The following TECPR2 variants were observed in gnomAD, a reference collection of about 807,000 sequenced individuals.
The protein encoded by TECPR2 is tectonin beta-propeller repeat containing 2, also known as tectonin beta-propeller repeat-containing protein 2.
TECPR2 carries 65 observed loss-of-function variants against 138.1 expected under a neutral mutation model. The ratio of observed to expected loss-of-function variants is 0.47; its 90% CI spans 0.39 to 0.58. TECPR2 has a LOEUF of 0.58. Among genes scored for constraint, TECPR2 ranks in the 20% least tolerant of loss-of-function variants. TECPR2 has a pLI of 0.00. For synonymous variants in TECPR2, 746 were observed against 749.8 expected (o/e 0.99, Z 0.08); for missense variants, 1,553 against 1,824.5 (o/e 0.85, Z 2.71).
chr14:102,464,309 T>C (rs2139770568), intron 16 of TECPR2, among the ~76,000 whole-genome samples: 1 of 152,382 alleles, frequency 6.6e-6, no homozygotes, highest in Admixed American at 6.5e-5. Context: ...TAAAAAACTC[T>C]TCCCATTTCC....
chr14:102,374,561 A>G (rs1887593959), intron 1 of TECPR2, among the ~76,000 whole-genome samples: 1 of 152,144 alleles, frequency 6.6e-6, no homozygotes, highest in Non-Finnish European at 1.5e-5. Flanking sequence ...CAGGAGTTGG[A>G]GACCAGCCTA....
chr14:102,487,478 G>A (rs1891054194), intron 17 of TECPR2, among the ~76,000 whole-genome samples: 1 of 152,208 alleles, frequency 6.6e-6, no homozygotes, highest in Non-Finnish European at 1.5e-5. Flanking sequence ...TATGATAAAA[G>A]CTCAGCTACA....
intron 13 of TECPR2, among the ~76,000 whole-genome samples, chr14:102,447,563 C>G (rs961893383): frequency 6.6e-6 from 1 of 152,126 alleles, no homozygotes; most frequent in Non-Finnish European, 1.5e-5. Flanking sequence ...GAGACGGAGT[C>G]TTGCTCTGTC....
intron 1 of TECPR2, 74 bp from the exon 2 acceptor site, chr14:102,376,576 A>G (rs926800750): frequency 2.9e-6 from 2 of 684,610 alleles, no homozygotes; most frequent in Admixed American, 2.7e-5. Context: ...TAAAAGTTCC[A>G]TGTTGCCAGT....
chr14:102,453,258 C>T (rs1225619240), intron 16 of TECPR2, among the ~76,000 whole-genome samples: 1 of 152,000 alleles, frequency 6.6e-6, no homozygotes, highest in African/African-American at 2.4e-5. Context: ...GGTGGATCAC[C>T]TGAGATCAAG....
At chr14:102,441,856 A>G (rs1467317912) in intron 11 of TECPR2, among the ~76,000 whole-genome samples, 2 of 152,202 alleles carry the variant, frequency 1.3e-5, no homozygotes, top group African/African-American at 4.8e-5. Flanking sequence ...TCCACCAGCA[A>G]TGTGATTTAT....
rs1340794050 is a variant in TECPR2 at position 102,413,390 on chromosome 14, TA to T, written c.481-1245del. 3.4e-5 allele frequency among the ~76,000 whole-genome samples: 5 copies of T among 148,504 alleles called. No homozygotes were observed. The South Asian group carries it at 8.4e-4, about 25-fold the overall frequency. On this transcript the variant is annotated intron_variant, in intron 4 of 19. Transcript: ENST00000359520. ...TATATATATAATGTATATATATATA[TA>T]TTTTTTGAGACAGAGTCTCACTGTG...
chr14:102,445,983 C>T (rs1383069451), intron 13 of TECPR2, 36 bp downstream of exon 13: 1 of 1,576,512 alleles, frequency 6.3e-7, no homozygotes, highest in South Asian at 1.1e-5. Context: ...GCCGAGGTCT[C>T]CCGACCTTTT....
intron 10 of TECPR2, among the ~76,000 whole-genome samples, chr14:102,439,145 A>C (rs3783378): frequency 0.26 from 39,880 of 151,924 alleles, 5,816 homozygotes; most frequent in Middle Eastern, 0.4. Context: ...ATTACAGGTG[A>C]GAGCCACTAC....
chr14:102,416,284 G>A (rs1047469529), intron 5 of TECPR2, among the ~76,000 whole-genome samples: 2 of 152,070 alleles, frequency 1.3e-5, no homozygotes, highest in Non-Finnish European at 2.9e-5. Context: ...ACCACACCCG[G>A]CTAATTTTGT....
chr14:102,370,746 C>T (rs1887482805), intron 1 of TECPR2, among the ~76,000 whole-genome samples: 1 of 152,006 alleles, frequency 6.6e-6, no homozygotes, highest in Non-Finnish European at 1.5e-5. Context: ...ACGTGGATGA[C>T]GGGGAGGGAG....
intron 11 of TECPR2, among the ~76,000 whole-genome samples, chr14:102,442,313 G>T (rs1889857310): frequency 6.6e-6 from 1 of 152,230 alleles, no homozygotes; most frequent in African/African-American, 2.4e-5. Context: ...GTCAGCTGGG[G>T]ATGAGTCTTC....
In TECPR2 at chr14:102,425,148, C is replaced by G; in HGVS notation, c.808C>G (p.Leu270Val). The G allele has an allele frequency of 6.2e-7, 1 of 1,614,140 alleles. No individual in the cohort carries two copies. The highest frequency in any genetic ancestry group is 8.5e-7 in the Non-Finnish European group (1 of 1,180,036). ...TGCCGGGGGAGTCAAGCCTTTTGAA[C>G]TGCACCCGCGTCTGGAATCCCCCAA... ...AFAGGVKPFE[L>V]HPRLESPNSG... Residue 270 changes from leucine (L) to valine (V), a missense_variant, in exon 6 of 20, where the codon CTG becomes GTG. Physicochemically the swap from Leu to Val is conservative, Grantham distance 32. Coordinates refer to ENST00000359520, the MANE Select transcript of TECPR2 (RefSeq NM_014844.5).
chr14:102,424,651 G>T (rs1050815140), intron 5 of TECPR2, among the ~76,000 whole-genome samples: 2 of 152,304 alleles, frequency 1.3e-5, no homozygotes, highest in African/African-American at 2.4e-5. Context: ...TATGTGATGC[G>T]TGACTGTATC....
intron 16 of TECPR2, 91 bp downstream of exon 16, chr14:102,452,718 G>A (rs1890179459): frequency 9.6e-7 from 1 of 1,040,526 alleles, no homozygotes; most frequent in African/African-American, 1.6e-5. Flanking sequence ...CCCGGCCTGT[G>A]TCCAACCTGT....
At chr14:102,480,317 C>T (rs1257855912) in intron 17 of TECPR2, among the ~76,000 whole-genome samples, 6 of 151,814 alleles carry the variant, frequency 4.0e-5, no homozygotes, top group Admixed American at 1.3e-4. Flanking sequence ...CTCCACCTCC[C>T]GGGTTCACGC....
rs1264219527 is a variant in TECPR2, at chr14:102,435,069, C to A, written c.2252C>A (p.Ser751Tyr). ...EQPPRDQTLTSSDEEDIYAHG... is the reference protein window; with the variant it reads ...EQPPRDQTLTYSDEEDIYAHG... ...CCTCCACGGGATCAGACATTGACGT[C>A]CAGCGATGAGGAGGACATCTATGCC... Residue 751 changes from serine (S) to tyrosine (Y), a missense_variant, in exon 9 of 20, where the codon TCC (serine) becomes TAC (tyrosine). Physicochemically the swap from Ser to Tyr is moderately radical, Grantham distance 144 (BLOSUM62 -2). Transcript: ENST00000359520. 1 of 1,614,030 alleles carries A rather than the reference C, an allele frequency of 6.2e-7. No individual in the cohort carries two copies. The highest frequency in any genetic ancestry group is 1.7e-5 in the Admixed American group (1 of 60,024).
At chr14:102,445,254 A>C (rs1349012313) in intron 12 of TECPR2, among the ~76,000 whole-genome samples, 2 of 152,246 alleles carry the variant, frequency 1.3e-5, no homozygotes, top group East Asian at 3.8e-4. Flanking sequence ...TCCAGCAAAG[A>C]GGGCAGTGTC....
chr14:102,410,464 ATAAAT>A (rs1888801739), intron 4 of TECPR2, among the ~76,000 whole-genome samples: 5 of 149,622 alleles, frequency 3.3e-5, no homozygotes. Flanking sequence ...CAATAAAAAA[ATAAAT>A]TAAAAAAAAA....
Sources: gnomAD v4.1 joint callset for allele counts (sites outside exome capture counted in the v4.1 genomes callset) on GRCh38, gnomAD v4.1.1 for gene constraint, MANE v1.5 for transcripts, NCBI Gene and HGNC (gene_info 2026-07-23, HGNC 2026-07-21) for gene names.